CAST: variants seen among roughly 807,000 people sequenced by gnomAD.
CAST encodes the protein MIR583 host.
CAST carries 76 observed loss-of-function variants against 119.6 expected under a neutral mutation model. That is an observed-to-expected ratio of 0.64 (90% CI 0.53 to 0.77). The LOEUF is 0.77. Ranked by LOEUF, CAST falls within the 30% of genes least tolerant of loss-of-function variation. The probability of loss-of-function intolerance (pLI) is 0.00; values close to 1 mark genes in which losing one functional copy is unlikely to be tolerated. For synonymous variants in CAST, 319 were observed against 331.6 expected, an observed-to-expected ratio of 0.96 and a Z score of 0.41; for missense variants, 953 against 946.5, an observed-to-expected ratio of 1.01 and a Z score of -0.09.
the CAST span, among the ~76,000 whole-genome samples, chr5:96,078,236 G>A: frequency 9.2e-5 from 14 of 151,932 alleles, no homozygotes; most frequent in African/African-American, 3.1e-4. Flanking sequence ...ATGACATTGG[G>A]GTTTCAACAT....
At chr5:96,034,501 ACACACATATG>A in the CAST span, among the ~76,000 whole-genome samples, 746 of 125,064 alleles carry the variant, frequency 6.0e-3, 3 homozygotes, top group Middle Eastern at 0.013. Context: ...ACACACACAC[ACACACATATG>A]TGTGTGTGTA....
chr5:96,203,595 G>A, the CAST span, among the ~76,000 whole-genome samples: 1 of 151,974 alleles, frequency 6.6e-6, no homozygotes, highest in Non-Finnish European at 1.5e-5. Flanking sequence ...AAAAGTAGCT[G>A]CTGTTCTCTT....
the CAST span, chr5:96,412,994 G>A: frequency 1.0e-6 from 1 of 997,318 alleles, no homozygotes; most frequent in Non-Finnish European, 1.2e-6. Context: ...AATGGCTGTG[G>A]CCCAGTCTAC....
At chr5:96,416,246 T>G in the CAST span, 4 of 706,000 alleles carry the variant, frequency 5.7e-6, no homozygotes, top group Non-Finnish European at 1.0e-5. Flanking sequence ...TTTTGTTTGT[T>G]TGTTTTAAAT....
At chr5:96,478,669 A>C in the CAST span, among the ~76,000 whole-genome samples, 2 of 152,264 alleles carry the variant, frequency 1.3e-5, no homozygotes, top group Non-Finnish European at 2.9e-5. Context: ...TAAAGTAGAA[A>C]GACCATTCTC....
chr5:96,240,757 CT>C, the CAST span, among the ~76,000 whole-genome samples: 3 of 43,040 alleles, frequency 7.0e-5, no homozygotes, highest in Admixed American at 2.5e-4. Context: ...TTTTTTTTTT[CT>C]GATGCAGTGA....
the CAST span, among the ~76,000 whole-genome samples, chr5:96,357,866 T>C: frequency 2.0e-5 from 3 of 152,158 alleles, no homozygotes; most frequent in East Asian, 5.8e-4. Context: ...GATAGGAGTC[T>C]CTCTTTTGCT....
At chr5:96,228,442 TCTCA>T in the CAST span, among the ~76,000 whole-genome samples, 2 of 152,308 alleles carry the variant, frequency 1.3e-5, no homozygotes, top group South Asian at 4.1e-4. Context: ...TATCTTTCCC[TCTCA>T]CTATCTGCCC....
the CAST span, chr5:96,412,443 A>T: frequency 6.2e-7 from 1 of 1,614,050 alleles, no homozygotes; most frequent in Non-Finnish European, 8.5e-7. Flanking sequence ...AATCCAATTG[A>T]ACTGGCCTCA....
At chr5:96,321,298 C>T in the CAST span, among the ~76,000 whole-genome samples, 11 of 152,178 alleles carry the variant, frequency 7.2e-5, 1 homozygote, top group South Asian at 1.0e-3. Context: ...AACCCCACTC[C>T]AACTGTGACA....
intron 1 of CAST, among the ~76,000 whole-genome samples, chr5:96,606,467 A>G (rs559074802): frequency 5.9e-5 from 9 of 152,332 alleles, no homozygotes; most frequent in African/African-American, 2.2e-4. Flanking sequence ...AAGAGCCAGC[A>G]TGAGACACTG....
the CAST span, among the ~76,000 whole-genome samples, chr5:96,022,330 C>T: frequency 1.6e-4 from 24 of 152,266 alleles, no homozygotes; most frequent in East Asian, 4.4e-3. Flanking sequence ...AATCTAATTT[C>T]TATCATAAAC....
chr5:96,703,600 G>A (rs1230687285), intron 3 of CAST, among the ~76,000 whole-genome samples: 7 of 152,216 alleles, frequency 4.6e-5, no homozygotes, highest in Admixed American at 4.6e-4. Flanking sequence ...TTACACACAG[G>A]CAGGGGGAAG....
the CAST span, among the ~76,000 whole-genome samples, chr5:96,185,299 G>A: frequency 6.6e-6 from 1 of 152,108 alleles, no homozygotes; most frequent in Non-Finnish European, 1.5e-5. Context: ...TCTGTAGGTT[G>A]TCTGTTCACT....
At chr5:96,144,670 C>A in the CAST span, among the ~76,000 whole-genome samples, 1 of 141,554 alleles carries the variant, frequency 7.1e-6, no homozygotes, top group Admixed American at 7.0e-5. Context: ...TACCCAGACA[C>A]CATTTTTTTT....
the CAST span, among the ~76,000 whole-genome samples, chr5:95,970,780 T>A: frequency 5.3e-5 from 8 of 152,248 alleles, no homozygotes; most frequent in Admixed American, 2.6e-4. Flanking sequence ...CTGTTTCTGA[T>A]TCTGTCCCTC....
chr5:96,603,731 T>TACTGTAC (rs1181973536), intron 1 of CAST, among the ~76,000 whole-genome samples: 3 of 151,696 alleles, frequency 2.0e-5, no homozygotes, highest in Non-Finnish European at 4.4e-5. Context: ...AAGTATTATG[T>TACTGTAC]ACTGTACATC....
At chr5:96,723,852 T>A (rs1758754195) in intron 4 of CAST, among the ~76,000 whole-genome samples, 1 of 152,222 alleles carries the variant, frequency 6.6e-6, no homozygotes, top group Non-Finnish European at 1.5e-5. Context: ...CCTACTTTTG[T>A]TTTCTGTCTT....
rs193142628 is a variant in CAST, at chr5:96,602,634, C to A, written c.60+72754C>A. On this transcript the variant is annotated intron_variant, in intron 1 of 11. Transcript: ENST00000505143. The stretch of plus-strand genomic sequence containing the variant: ...GCGTGGTGGTGCATGCCTGTAATCC[C>A]AGCTACTCAGGAGGCTGAGGCAGGA... Among the ~76,000 whole-genome samples, 1,077 of 152,256 alleles carry A rather than the reference C, an allele frequency of 7.1e-3. 5 individuals are homozygous for A. Among genetic ancestry groups the A allele is most frequent in the Non-Finnish European group, 9.9e-3 (673 of 68,018 alleles).
Sources: gnomAD v4.1 joint callset for allele counts (sites outside exome capture counted in the v4.1 genomes callset) on GRCh38, gnomAD v4.1.1 for gene constraint, MANE v1.5 for transcripts, NCBI Gene and HGNC (gene_info 2026-07-23, HGNC 2026-07-21) for gene names.